WIPF2: variants seen among roughly 807,000 people sequenced by gnomAD.
WIPF2 encodes WAS/WASL-interacting protein family member 2.
Under a neutral mutation model 38.8 loss-of-function variants are expected in WIPF2, and 23 were observed. The ratio of observed to expected loss-of-function variants is 0.59; its 90% CI spans 0.43 to 0.84. The LOEUF (loss-of-function observed/expected upper bound fraction) is 0.84, where lower values mean the gene tolerates loss of function less well. Ranked by LOEUF, WIPF2 falls within the 40% of genes least tolerant of loss-of-function variation. WIPF2 has a pLI of 0.00. For synonymous variants in WIPF2, 210 were observed against 223.2 expected (o/e 0.94, Z 0.53); for missense variants, 574 against 580.5 (o/e 0.99, Z 0.11).
At chr17:40,221,575 G>C (rs984506804) in intron 1 of WIPF2, among the ~76,000 whole-genome samples, 2 of 151,556 alleles carry the variant, frequency 1.3e-5, no homozygotes, top group Non-Finnish European at 2.9e-5. Context: ...CTCTCTCTCT[G>C]TCTCTTTTTT....
chr17:40,269,674 G>A (rs1224016490), intron 5 of WIPF2, among the ~76,000 whole-genome samples: 1 of 135,558 alleles, frequency 7.4e-6, no homozygotes, highest in Non-Finnish European at 1.5e-5. Flanking sequence ...GCGCGATCTC[G>A]GCTCACTGCA....
At chr17:40,250,574 G>C (rs1438644714) in intron 1 of WIPF2, among the ~76,000 whole-genome samples, 1 of 151,830 alleles carries the variant, frequency 6.6e-6, no homozygotes, top group East Asian at 1.9e-4. Flanking sequence ...AAGATGGAAG[G>C]GCTTAAGAAA....
intron 1 of WIPF2, among the ~76,000 whole-genome samples, chr17:40,251,964 T>C (rs2031573737): frequency 6.6e-6 from 1 of 152,198 alleles, no homozygotes; most frequent in Non-Finnish European, 1.5e-5. Flanking sequence ...TTTTTTTATG[T>C]ACTTAATTTT....
chr17:40,232,398 C>T (rs774849281), intron 1 of WIPF2, among the ~76,000 whole-genome samples: 3 of 151,476 alleles, frequency 2.0e-5, no homozygotes, highest in Admixed American at 6.6e-5. Flanking sequence ...CCATGTTGGC[C>T]AGGCTGGTCT....
intron 1 of WIPF2, among the ~76,000 whole-genome samples, chr17:40,252,120 T>C (rs1365310336): frequency 6.6e-6 from 1 of 152,208 alleles, no homozygotes; most frequent in Non-Finnish European, 1.5e-5. Flanking sequence ...TTGAGTCTAT[T>C]TTAGGAAGGC....
rs965854522 is a variant in WIPF2 at position 40,281,808 on chromosome 17, G to C, written c.*3583G>C. 6.6e-6 allele frequency: 1 copy of C among 152,546 alleles called. No homozygotes were observed. Among genetic ancestry groups the C allele is most frequent in the Admixed American group, 6.6e-5 (1 of 15,250 alleles). The allele number at this position is 152,546 out of a possible 1,614,324, so 9.4% of individuals were successfully genotyped here. A position where few individuals can be genotyped will look rare whatever the true frequency, so the allele number is the denominator to read the frequency against. On this transcript the variant is annotated 3_prime_UTR_variant, in exon 8 of 8. Transcript: ENST00000323571. ...GGTGACTCCAGGGTCCTTCCATTTTGTGAAGCTCTGGGGGTGGAGTGTGGG... is the reference window on the plus strand; with the variant it reads ...GGTGACTCCAGGGTCCTTCCATTTTCTGAAGCTCTGGGGGTGGAGTGTGGG...
chr17:40,249,913 A>T (rs1008188353), intron 1 of WIPF2, among the ~76,000 whole-genome samples: 11 of 144,494 alleles, frequency 7.6e-5, no homozygotes, highest in Admixed American at 2.1e-4. Flanking sequence ...GCTAACTGCA[A>T]CCTCCGCCTC....
intron 1 of WIPF2, among the ~76,000 whole-genome samples, chr17:40,250,984 G>A (rs1485516160): frequency 6.8e-6 from 1 of 147,546 alleles, no homozygotes; most frequent in Non-Finnish European, 1.5e-5. Flanking sequence ...CGCAATCTCG[G>A]CTCACTGCCA....
At chr17:40,223,533 G>GAAA (rs58989731) in intron 1 of WIPF2, among the ~76,000 whole-genome samples, 1 of 142,984 alleles carries the variant, frequency 7.0e-6, no homozygotes, top group East Asian at 2.0e-4. Context: ...GTGTTTTTAG[G>GAAA]AAAAAAAAAA....
Position 40,244,785 on chromosome 17 carries a change from G to A in WIPF2, c.-69-11606G>A, listed in dbSNP as rs751656238. Among the ~76,000 whole-genome samples, 3 of 152,072 alleles carry A rather than the reference G, an allele frequency of 2.0e-5. No individual in the cohort carries two copies. In the South Asian group the frequency reaches 6.2e-4, roughly 31 times the overall value. ...ACACACCAACTACATTCCCATGTTAGAATTTTTTCACTTGCTGTTATTTCT... is the reference window on the plus strand; with the variant it reads ...ACACACCAACTACATTCCCATGTTAAAATTTTTTCACTTGCTGTTATTTCT... On this transcript the variant is annotated intron_variant, in intron 1 of 7. Transcript: ENST00000323571.
At chr17:40,254,097 A>G (rs1029736081) in intron 1 of WIPF2, among the ~76,000 whole-genome samples, 6 of 151,200 alleles carry the variant, frequency 4.0e-5, no homozygotes, top group African/African-American at 9.7e-5. Context: ...GCTTACTGCA[A>G]CCTCCGCCTC....
intron 1 of WIPF2, among the ~76,000 whole-genome samples, chr17:40,248,869 T>G (rs2031463418): frequency 6.6e-6 from 1 of 152,226 alleles, no homozygotes. Context: ...ATTAAGTAAT[T>G]AAACATATAT....
intron 1 of WIPF2, among the ~76,000 whole-genome samples, chr17:40,252,986 G>T (rs941178343): frequency 2.0e-5 from 3 of 151,056 alleles, no homozygotes; most frequent in Non-Finnish European, 4.4e-5. Flanking sequence ...GGCTGGTCTC[G>T]AACTCCTGGC....
At chr17:40,230,532 C>T (rs906853073) in intron 1 of WIPF2, among the ~76,000 whole-genome samples, 1 of 151,914 alleles carries the variant, frequency 6.6e-6, no homozygotes, top group African/African-American at 2.4e-5. Context: ...TTCTTTTAGT[C>T]TTGATTTCTC....
intron 2 of WIPF2, among the ~76,000 whole-genome samples, chr17:40,257,411 G>A (rs1034670132): frequency 5.9e-5 from 9 of 152,084 alleles, no homozygotes; most frequent in Non-Finnish European, 1.5e-5. Context: ...GTATTGGTTC[G>A]AAGACTGAAA....
At chr17:40,248,502 C>T (rs1004139838) in intron 1 of WIPF2, among the ~76,000 whole-genome samples, 24 of 152,114 alleles carry the variant, frequency 1.6e-4, no homozygotes, top group Non-Finnish European at 2.6e-4. Context: ...GAGACAAGGT[C>T]TCACTTTGTT....
At chr17:40,239,818 T>C (rs1356278562) in intron 1 of WIPF2, among the ~76,000 whole-genome samples, 7 of 147,138 alleles carry the variant, frequency 4.8e-5, no homozygotes, top group Non-Finnish European at 1.5e-5. Flanking sequence ...TGCCTCAGCC[T>C]CCCAAGTAGC....
chr17:40,260,910 T>C (rs1567720451), intron 3 of WIPF2: 3 of 508,868 alleles, frequency 5.9e-6, no homozygotes, highest in East Asian at 4.0e-5. Context: ...CCCAGCACTT[T>C]GGGAGGTCAA....
chr17:40,272,847 G>A (rs188448206), intron 5 of WIPF2, among the ~76,000 whole-genome samples: 1 of 152,272 alleles, frequency 6.6e-6, no homozygotes, highest in Non-Finnish European at 1.5e-5. Flanking sequence ...GTATACTGGG[G>A]AAAGAGCACA....
Sources: gnomAD v4.1 joint callset for allele counts (sites outside exome capture counted in the v4.1 genomes callset) on GRCh38, gnomAD v4.1.1 for gene constraint, MANE v1.5 for transcripts, NCBI Gene and HGNC (gene_info 2026-07-23, HGNC 2026-07-21) for gene names.